The following FSTL4 variants were observed in gnomAD, a reference collection of about 807,000 sequenced individuals.
FSTL4 encodes the protein follistatin-related protein 4.
Under a neutral mutation model 78.2 loss-of-function variants are expected in FSTL4, and 28 were observed. The ratio of observed to expected loss-of-function variants is 0.36; its 90% CI spans 0.27 to 0.49. The LOEUF (loss-of-function observed/expected upper bound fraction) is 0.49, where lower values mean the gene tolerates loss of function less well. FSTL4 is among the 20% of genes least tolerant of loss of function. FSTL4 has a pLI of 0.98. For synonymous variants in FSTL4, 422 were observed against 440.5 expected (o/e 0.96, Z 0.53); for missense variants, 922 against 1,084.9 (o/e 0.85, Z 2.11).
chr5:133,207,360 CA>C (rs1384686392), intron 14 of FSTL4, among the ~76,000 whole-genome samples: 2 of 152,350 alleles, frequency 1.3e-5, no homozygotes, highest in East Asian at 3.9e-4. Context: ...CGCTACCATG[CA>C]TGCATGCTTT....
the FSTL4 span, among the ~76,000 whole-genome samples, chr5:133,657,603 T>C: frequency 6.6e-6 from 1 of 152,212 alleles, no homozygotes; most frequent in Admixed American, 6.5e-5. Flanking sequence ...CTCTAATGTA[T>C]GTATTAATGT....
chr5:133,451,045 G>C (rs982307486), intron 3 of FSTL4, among the ~76,000 whole-genome samples: 5 of 152,182 alleles, frequency 3.3e-5, no homozygotes, highest in Non-Finnish European at 7.3e-5. Flanking sequence ...AAGAAGAATG[G>C]AGGGAGAGGA....
the FSTL4 span, among the ~76,000 whole-genome samples, chr5:133,774,798 T>C: frequency 6.6e-6 from 1 of 152,186 alleles, no homozygotes; most frequent in Admixed American, 6.5e-5. Flanking sequence ...GGTAGTCTGT[T>C]ACATTGATAT....
intron 6 of FSTL4, among the ~76,000 whole-genome samples, chr5:133,285,861 T>C (rs1433789932): frequency 6.6e-6 from 1 of 152,236 alleles, no homozygotes; most frequent in Non-Finnish European, 1.5e-5. Context: ...CGCCCAGGCA[T>C]AGACTTTGCC....
intron 4 of FSTL4, among the ~76,000 whole-genome samples, chr5:133,358,581 G>C (rs1754992720): frequency 6.6e-6 from 1 of 151,342 alleles, no homozygotes; most frequent in East Asian, 2.0e-4. Flanking sequence ...TCCCAGCCAG[G>C]GTTCTATTTC....
At chr5:133,423,594 G>A (rs1290315682) in intron 3 of FSTL4, among the ~76,000 whole-genome samples, 14 of 152,236 alleles carry the variant, frequency 9.2e-5, no homozygotes, top group African/African-American at 3.4e-4. Flanking sequence ...ATCGAGGGGT[G>A]GTGGGGATGA....
intron 6 of FSTL4, among the ~76,000 whole-genome samples, chr5:133,290,390 G>C (rs1753233352): frequency 6.6e-6 from 1 of 152,222 alleles, no homozygotes; most frequent in Non-Finnish European, 1.5e-5. Context: ...GAGCTCCTGT[G>C]AGGGCCATCG....
the FSTL4 span, among the ~76,000 whole-genome samples, chr5:133,817,236 A>G: frequency 6.6e-6 from 1 of 152,366 alleles, no homozygotes; most frequent in East Asian, 1.9e-4. Context: ...ACAGAGGCTC[A>G]GGTCACACTG....
chr5:133,237,237 T>C (rs1561635823), intron 7 of FSTL4, among the ~76,000 whole-genome samples: 3 of 152,134 alleles, frequency 2.0e-5, no homozygotes, highest in African/African-American at 7.2e-5. Flanking sequence ...CGAGGCTCTT[T>C]TGCACTCCTC....
the FSTL4 span, among the ~76,000 whole-genome samples, chr5:133,652,873 C>T: frequency 6.6e-6 from 1 of 152,256 alleles, no homozygotes; most frequent in Non-Finnish European, 1.5e-5. Flanking sequence ...AGAGAAGTAA[C>T]TGTACCCATC....
At chr5:133,576,548 T>G (rs1392951677) in intron 2 of FSTL4, among the ~76,000 whole-genome samples, 2 of 152,162 alleles carry the variant, frequency 1.3e-5, no homozygotes, top group East Asian at 3.8e-4. Context: ...CAGATCTTCA[T>G]AGACAAAGCA....
At chr5:133,466,511 C>G (rs182064482) in intron 3 of FSTL4, among the ~76,000 whole-genome samples, 1 of 151,252 alleles carries the variant, frequency 6.6e-6, no homozygotes, top group Non-Finnish European at 1.5e-5. Flanking sequence ...CACTGCAGTC[C>G]GGCCTGGGCG....
At position 133,333,121 on chromosome 5, in the gene FSTL4, G is replaced by A. The variant is rs186890052; in HGVS notation, c.410-16469C>T. Among the ~76,000 whole-genome samples the A allele has an allele frequency of 3.9e-3, 592 of 152,198 alleles. 1 individual carries two copies. The highest frequency in any genetic ancestry group is 6.6e-3 in the Non-Finnish European group (446 of 68,024). The stretch of plus-strand genomic sequence containing the variant: ...ATCCCAGTGACACTGCACATGTGGC[G>A]GCAGCTCAGCCCCAGCCCCATCCTG... On this transcript the variant is annotated intron_variant, in intron 4 of 15. Coordinates refer to ENST00000265342, the MANE Select transcript of FSTL4 (RefSeq NM_015082.2).
chr5:133,227,616 G>A (rs553734415), intron 8 of FSTL4, among the ~76,000 whole-genome samples: 1 of 152,144 alleles, frequency 6.6e-6, no homozygotes, highest in Non-Finnish European at 1.5e-5. Context: ...AGGACCTGGG[G>A]TTAATAAGCT....
At chr5:133,213,453 A>G (rs1363611139) in intron 13 of FSTL4, among the ~76,000 whole-genome samples, 1 of 152,246 alleles carries the variant, frequency 6.6e-6, no homozygotes, top group African/African-American at 2.4e-5. Context: ...GTGGGGTTAA[A>G]TTACATATAC....
At position 133,277,585 on chromosome 5, in the gene FSTL4, G is replaced by GA. The variant is rs533681935; in HGVS notation, c.728-28010dup. 5.6e-3 allele frequency among the ~76,000 whole-genome samples: 846 copies of GA among 152,390 alleles called. 5 individuals are homozygous for GA. The highest frequency in any genetic ancestry group is 9.7e-3 in the Admixed American group (149 of 15,314). ...GCAAATAGAATCTTTACAGAGGAAAGAATGTATTGCTATTCCCCATCAGCT... is the reference window on the plus strand; with the variant it reads ...GCAAATAGAATCTTTACAGAGGAAAGAAATGTATTGCTATTCCCCATCAGCT... On this transcript the variant is annotated intron_variant, in intron 6 of 15. Transcript: ENST00000265342.
At chr5:133,311,516 C>A (rs1753784270) in intron 6 of FSTL4, among the ~76,000 whole-genome samples, 1 of 152,198 alleles carries the variant, frequency 6.6e-6, no homozygotes, top group East Asian at 1.9e-4. Context: ...CTTATGTCAT[C>A]CAAGTACCTC....
chr5:133,626,117 TATATATATATTCC>T, the FSTL4 span, among the ~76,000 whole-genome samples: 1 of 68,672 alleles, frequency 1.5e-5, no homozygotes, highest in Non-Finnish European at 2.5e-5. Context: ...ATATATTCCA[TATATATATATTCC>T]ATATATATAT....
At chr5:133,531,771 C>T (rs1189155593) in intron 3 of FSTL4, among the ~76,000 whole-genome samples, 1 of 152,210 alleles carries the variant, frequency 6.6e-6, no homozygotes, top group Non-Finnish European at 1.5e-5. Context: ...TCCTCGCTCA[C>T]AGTCATATTC....
Sources: allele counts gnomAD v4.1 joint callset (sites outside exome capture counted in the v4.1 genomes callset), GRCh38; gene constraint gnomAD v4.1.1; transcripts MANE v1.5; gene names NCBI Gene and HGNC (gene_info 2026-07-23, HGNC 2026-07-21).